LRCOL1: variants seen among roughly 807,000 people sequenced by gnomAD.
LRCOL1 encodes leucine-rich colipase-like protein 1.
LRCOL1 carries 21 observed loss-of-function variants against 21.6 expected under a neutral mutation model. That is an observed-to-expected ratio of 0.97 (90% CI 0.69 to 1.40). The LOEUF is 1.40. Among genes scored for constraint, LRCOL1 ranks in the 40% most tolerant of loss-of-function variants. The probability of loss-of-function intolerance (pLI) is 0.00; values close to 1 mark genes in which losing one functional copy is unlikely to be tolerated. For missense variants in LRCOL1, 198 were observed against 202.3 expected (o/e 0.98, Z 0.13); for synonymous variants, 98 against 90.1 (o/e 1.09, Z -0.49).
intron 3 of LRCOL1, 43 bp downstream of exon 3, chr12:132,604,663 A>G: frequency 6.5e-7 from 1 of 1,527,588 alleles, no homozygotes; most frequent in Non-Finnish European, 8.8e-7. Context: ...AGGGGGCCAC[A>G]GGCAGTCTCG....
chr12:132,604,210 G>A (rs1226979099), intron 5 of LRCOL1, 44 bp downstream of exon 5: 14 of 1,497,858 alleles, frequency 9.3e-6, no homozygotes, highest in Non-Finnish European at 1.2e-5. Flanking sequence ...TCCCTGTGGC[G>A]GCCAAGGGAG....
rs772774471 is a variant in LRCOL1, at chr12:132,606,232, G to GCAGCAGTAGCAGCAGCA, written c.19_20insTGCTGCTGCTACTGCTG (p.Thr7MetfsTer30). Reference sequence around the variant, plus strand: ...CAGCAGCAGCAGCAGTAGCAGCAGCGTCCACCCCGGGCCGGCCATCGGGTG... The same window carrying GCAGCAGTAGCAGCAGCA: ...CAGCAGCAGCAGCAGTAGCAGCAGCGCAGCAGTAGCAGCAGCATCCACCCCGGGCCGGCCATCGGGTG... On this transcript the variant is annotated frameshift_variant, in exon 2 of 6. Transcript: ENST00000376608. LOFTEE classifies it high-confidence loss of function. The surrounding 1 kb of genome is among the most constrained non-coding windows in gnomAD (Gnocchi z 4.6). 1.4e-5 allele frequency: 22 copies of GCAGCAGTAGCAGCAGCA among 1,536,180 alleles called. No homozygotes were observed. The South Asian group carries it at 2.5e-4, about 17-fold the overall frequency.
intron 1 of LRCOL1, 21 bp downstream of exon 1, chr12:132,610,302 G>A (rs1054725420): frequency 1.3e-5 from 2 of 152,332 alleles, no homozygotes; most frequent in Non-Finnish European, 2.9e-5. Flanking sequence ...TGACAGCTGC[G>A]TGGACATTCA....
Position 132,603,300 on chromosome 12 carries a change from C to G in LRCOL1, c.*102G>C. 2 of 1,498,636 alleles carry G rather than the reference C, an allele frequency of 1.3e-6. No individual in the cohort carries two copies. The highest frequency in any genetic ancestry group is 1.8e-6 in the Non-Finnish European group (2 of 1,114,492). 92.8% of individuals were successfully genotyped at this position (1,498,636 alleles called of 1,614,324 possible). On this transcript the variant is annotated 3_prime_UTR_variant, in exon 6 of 6. Coordinates refer to ENST00000376608, the MANE Select transcript of LRCOL1 (RefSeq NM_001195520.2). Reference sequence around the variant, plus strand: ...AGAGCCCCAGAAACAGCAGCACAAACCGTAAGGGAAGCTTCCGCTGGAACC... The same window carrying G: ...AGAGCCCCAGAAACAGCAGCACAAAGCGTAAGGGAAGCTTCCGCTGGAACC...
chr12:132,603,542 G>A, intron 5 of LRCOL1, 138 bp from the exon 6 acceptor site: 2 of 1,499,596 alleles, frequency 1.3e-6, no homozygotes, highest in South Asian at 1.2e-5. Flanking sequence ...AGAGGCCGAC[G>A]CCCACGCTCA....
In LRCOL1 at chr12:132,604,564, C is replaced by T. The variant is rs1236196816; in HGVS notation, c.252G>A (p.Ser84=). Residue 84 remains serine (S), a synonymous_variant, in exon 4 of 6, where the codon TCG becomes TCA. Coordinates refer to ENST00000376608, the MANE Select transcript of LRCOL1 (RefSeq NM_001195520.2). ...AGCTGCTCTGGCACTCTGAGTCGTG[C>T]GAGCATCTGTACCCATTGGGCTATG... ...PWRKPNGYRC[S]HDSECQSSCC... is the part of the protein sequence containing the mutation. 6 of 1,535,848 alleles carry T rather than the reference C, an allele frequency of 3.9e-6. No individual in the cohort carries two copies. The highest frequency in any genetic ancestry group is 1.4e-5 in the African/African-American group (1 of 73,046).
chr12:132,603,810 C>G, intron 5 of LRCOL1: 1 of 985,436 alleles, frequency 1.0e-6, no homozygotes, highest in African/African-American at 1.7e-5. Context: ...GAGCGGGAGC[C>G]TGCACCGAGC....
chr12:132,610,052 G>C (rs1055054857), intron 1 of LRCOL1, among the ~76,000 whole-genome samples: 2 of 152,196 alleles, frequency 1.3e-5, no homozygotes, highest in Non-Finnish European at 2.9e-5. Context: ...AAGACCCTGG[G>C]GCTGGTGCTG....
chr12:132,604,272 C>G lies in LRCOL1; in HGVS notation c.459G>C (p.Leu153=). Residue 153 remains leucine, a synonymous_variant, in exon 5 of 6, where the codon CTG becomes CTC. Coordinates refer to ENST00000376608, the MANE Select transcript of LRCOL1 (RefSeq NM_001195520.2). ...PFRCIPRTGI[L]AQCLPL Reference sequence around the variant, plus strand: ...GACTTACCAGGGGCAGGCACTGGGCCAGGATCCCGGTCCGGGGAATGCAGC... The same window carrying G: ...GACTTACCAGGGGCAGGCACTGGGCGAGGATCCCGGTCCGGGGAATGCAGC... 1.3e-6 allele frequency: 2 copies of G among 1,534,944 alleles called. No individual in the cohort carries two copies. The highest frequency in any genetic ancestry group is 1.7e-6 in the Non-Finnish European group (2 of 1,146,480).
rs889442593 is a variant in LRCOL1 at position 132,604,389 on chromosome 12, C to T, written c.355-13G>A. ...AGTCGCCGTTGGGCTGGGGAGGCAG[C>T]CAGGCAGCAGTCGTGGAGAGGGGCT... On this transcript the variant is annotated splice_polypyrimidine_tract_variant and intron_variant, in intron 4 of 5. Transcript: ENST00000376608. The T allele has an allele frequency of 2.0e-6, 3 of 1,534,724 alleles. No homozygotes were observed. The highest frequency in any genetic ancestry group is 1.4e-5 in the African/African-American group (1 of 73,054).
intron 1 of LRCOL1, among the ~76,000 whole-genome samples, chr12:132,609,273 G>A (rs2041348270): frequency 6.6e-6 from 1 of 152,206 alleles, no homozygotes; most frequent in Non-Finnish European, 1.5e-5. Flanking sequence ...TGGTGCCCAG[G>A]GCAGGTGGGG....
chr12:132,609,768 C>CA (rs536755418), intron 1 of LRCOL1, among the ~76,000 whole-genome samples: 27 of 152,214 alleles, frequency 1.8e-4, no homozygotes, highest in Non-Finnish European at 3.1e-4. Flanking sequence ...AGGTCACAGG[C>CA]AGACCTCATG....
chr12:132,603,475 G>A, intron 5 of LRCOL1, 71 bp from the exon 6 acceptor site: 1 of 1,535,746 alleles, frequency 6.5e-7, no homozygotes, highest in Admixed American at 2.0e-5. Flanking sequence ...AGGAGGACGG[G>A]AACCCGGGGC....
chr12:132,607,669 TTCTGTCTCTGTCTCTCTCTGCC>T (rs1479753684), intron 1 of LRCOL1, among the ~76,000 whole-genome samples: 25 of 141,816 alleles, frequency 1.8e-4, no homozygotes, highest in African/African-American at 6.7e-4. Flanking sequence ...CTCTGTCTCT[TTCTGTCTCTGTCTCTCTCTGCC>T]TCTCTGTCTC....
At chr12:132,605,916 T>C in intron 2 of LRCOL1, 1 of 537,956 alleles carries the variant, frequency 1.9e-6, no homozygotes, top group South Asian at 2.5e-5. Context: ...GGGGTCGCCG[T>C]CCCATAGCCT....
intron 1 of LRCOL1, among the ~76,000 whole-genome samples, chr12:132,608,985 T>C (rs1312637294): frequency 2.0e-5 from 3 of 152,164 alleles, no homozygotes; most frequent in Non-Finnish European, 4.4e-5. Context: ...GTCCGGTGTC[T>C]AACAGGTCAC....
intron 2 of LRCOL1, among the ~76,000 whole-genome samples, chr12:132,605,368 G>C (rs34665901): frequency 2.0e-5 from 3 of 152,176 alleles, no homozygotes; most frequent in Non-Finnish European, 2.9e-5. Flanking sequence ...AAAACTGAGA[G>C]AATTTTAAGA....
chr12:132,604,081 C>T, intron 5 of LRCOL1, 173 bp downstream of exon 5: 5 of 1,424,764 alleles, frequency 3.5e-6, no homozygotes, highest in Non-Finnish European at 1.8e-6. Context: ...TTCTCTGCGG[C>T]CCCCACCTTA....
At chr12:132,603,930 C>T in intron 5 of LRCOL1, 1 of 1,195,600 alleles carries the variant, frequency 8.4e-7, no homozygotes, top group Non-Finnish European at 1.0e-6. Flanking sequence ...TGTTCCCTCT[C>T]CGGCCTGAAG....
Sources: gnomAD v4.1 joint callset for allele counts (sites outside exome capture counted in the v4.1 genomes callset) on GRCh38, gnomAD v4.1.1 for gene constraint, Gnocchi (gnomAD v3.1) non-coding constraint, MANE v1.5 for transcripts, NCBI Gene and HGNC (gene_info 2026-07-23, HGNC 2026-07-21) for gene names.